Variants in FAS observed in about 807,000 individuals in gnomAD.
The protein encoded by FAS is tumor necrosis factor receptor superfamily member 6.
A neutral mutation model predicts 33.2 loss-of-function variants in FAS; 5 were observed. The ratio of observed to expected loss-of-function variants is 0.15; its 90% CI spans 0.08 to 0.32. The LOEUF (loss-of-function observed/expected upper bound fraction) is 0.32. FAS is among the 10% of genes least tolerant of loss of function. The probability of loss-of-function intolerance (pLI) is 1.00; values close to 1 mark genes in which losing one functional copy is unlikely to be tolerated. For synonymous variants in FAS, 131 were observed against 130.7 expected (o/e 1.00, Z -0.01); for missense variants, 339 against 386.0 (o/e 0.88, Z 1.02).
upstream of FAS, among the ~76,000 whole-genome samples, chr10:88,983,516 C>A (rs1846763232): frequency 6.9e-6 from 1 of 144,186 alleles, no homozygotes; most frequent in African/African-American, 2.6e-5. Flanking sequence ...TGACTTTGGG[C>A]AAGTCTTTCC....
chr10:88,998,415 G>A (rs1284784693), intron 1 of FAS, among the ~76,000 whole-genome samples: 1 of 151,026 alleles, frequency 6.6e-6, no homozygotes, highest in African/African-American at 2.4e-5. Flanking sequence ...GGACCCTTCC[G>A]GCCTTCCAAA....
chr10:89,009,048 A>G lies in FAS; in HGVS notation c.443+51A>G, dbSNP rs9658754. 1.7e-4 allele frequency: 249 copies of G among 1,471,626 alleles called. No homozygotes were observed. In the African/African-American group the frequency reaches 2.8e-3, roughly 17 times the overall value. The allele number at this position is 1,471,626 out of a possible 1,614,324, so 91.2% of individuals were successfully genotyped here. On this transcript the variant is annotated intron_variant, in intron 4 of 8. Transcript: ENST00000652046. ...AAACACTAGATATAACATGAGAGTT[A>G]TCATTTTCCTAGGGAAGTAACACTG...
chr10:88,975,433 T>C (rs1424486393), intron 2 of FAS, among the ~76,000 whole-genome samples: 1 of 152,220 alleles, frequency 6.6e-6, no homozygotes, highest in Non-Finnish European at 1.5e-5. Context: ...TTTTTTCTTA[T>C]TACAGACTAG....
upstream of FAS, among the ~76,000 whole-genome samples, chr10:88,984,548 A>G (rs1446246154): frequency 6.6e-6 from 1 of 152,252 alleles, no homozygotes; most frequent in Non-Finnish European, 1.5e-5. Context: ...ATATGAAAAC[A>G]TAAGATATCC....
chr10:88,994,565 A>G (rs1376501233), intron 1 of FAS, among the ~76,000 whole-genome samples: 1 of 152,140 alleles, frequency 6.6e-6, no homozygotes. Flanking sequence ...CAAATATTTA[A>G]AAACTACATT....
chr10:89,002,936 G>A lies in FAS; in HGVS notation c.31-93G>A, dbSNP rs548293431. The A allele has an allele frequency of 6.4e-5, 88 of 1,367,740 alleles. No homozygotes were observed. The African/African-American group carries it at 1.2e-3, about 18-fold the overall frequency. 84.7% of individuals were successfully genotyped at this position (1,367,740 alleles called of 1,614,324 possible). On this transcript the variant is annotated intron_variant, in intron 1 of 8. Transcript: ENST00000652046. The stretch of plus-strand genomic sequence containing the variant: ...CTCACATTGTCTTTGCCTGTGCACA[G>A]CAGATACTGCCAATTTTGGGTGGGT...
intron 2 of FAS, among the ~76,000 whole-genome samples, chr10:88,979,613 T>C (rs374431860): frequency 0.014 from 2,012 of 142,810 alleles, 26 homozygotes; most frequent in Non-Finnish European, 0.022. Context: ...TAATGATGAC[T>C]TTTTTTTTTT....
At chr10:88,984,160 C>T (rs777116787), upstream of FAS, among the ~76,000 whole-genome samples, 63 of 152,258 alleles carry the variant, frequency 4.1e-4, no homozygotes, top group Non-Finnish European at 8.4e-4. Context: ...ACTTGTTAAA[C>T]TATAGGAAGT....
rs202165529 is a variant in FAS at position 88,990,925 on chromosome 10, G to A, written c.30+19G>A. The A allele has an allele frequency of 1.7e-4, 277 of 1,614,192 alleles. 1 individual carries two copies. The highest frequency in any genetic ancestry group is 1.2e-3 in the Middle Eastern group (7 of 6,060). On this transcript the variant is annotated intron_variant, in intron 1 of 8. Coordinates refer to ENST00000652046, the MANE Select transcript of FAS (RefSeq NM_000043.6). The surrounding 1 kb of genome is among the most constrained non-coding windows in gnomAD (Gnocchi z 4.9). ...ACCTCTGGTGAGCCCTCTCCTGCCC[G>A]GGTGGAGGCTTACCCCGTCTTAGTC... is the stretch of plus-strand genomic sequence containing the variant.
At chr10:88,968,278 T>C (rs1043493511) in intron 1 of FAS, among the ~76,000 whole-genome samples, 9 of 152,346 alleles carry the variant, frequency 5.9e-5, no homozygotes, top group Admixed American at 2.6e-4. Context: ...GTCCTATCTA[T>C]GCATTTAATG....
chr10:89,005,890 TG>T (rs1234875941), intron 2 of FAS, among the ~76,000 whole-genome samples: 1 of 152,108 alleles, frequency 6.6e-6, no homozygotes, highest in African/African-American at 2.4e-5. Context: ...CTGCCTGCCT[TG>T]GCCTCCCAAT....
chr10:88,990,772 A>G (rs752662349), upstream of FAS: 1 of 1,476,204 alleles, frequency 6.8e-7, no homozygotes, highest in South Asian at 1.1e-5. The surrounding 1 kb of genome is among the most constrained non-coding windows in gnomAD (Gnocchi z 4.9). Flanking sequence ...CCCTGAGGCC[A>G]GCCCTGGCTG....
upstream of FAS, among the ~76,000 whole-genome samples, chr10:88,986,327 T>C (rs981331350): frequency 6.6e-6 from 1 of 152,148 alleles, no homozygotes; most frequent in African/African-American, 2.4e-5. Flanking sequence ...GACCACCATA[T>C]GCAAAAATGT....
At chr10:88,964,122 CTTTAG>C (rs1309885726) in intron 1 of FAS, among the ~76,000 whole-genome samples, 1 of 151,604 alleles carries the variant, frequency 6.6e-6, no homozygotes, top group African/African-American at 2.4e-5. Flanking sequence ...CATATATTTA[CTTTAG>C]TTTAATATAT....
At chr10:89,012,213 C>A in intron 7 of FAS, 132 bp downstream of exon 7, 2 of 793,184 alleles carry the variant, frequency 2.5e-6, no homozygotes, top group Non-Finnish European at 2.1e-6. Context: ...AGTCTTGCTC[C>A]ATAGCCCAGG....
At chr10:88,996,165 G>A (rs986468717) in intron 1 of FAS, among the ~76,000 whole-genome samples, 3 of 151,188 alleles carry the variant, frequency 2.0e-5, no homozygotes, top group African/African-American at 7.4e-5. Context: ...AAAAGAGAGC[G>A]AGAGGAAGTC....
chr10:89,009,610 T>TAGAGAACCTGCCTTGTAAGTC (rs1481620461), intron 4 of FAS, among the ~76,000 whole-genome samples: 5 of 152,212 alleles, frequency 3.3e-5, no homozygotes, highest in African/African-American at 1.2e-4. Flanking sequence ...GACCCAAAGT[T>TAGAGAACCTGCCTTGTAAGTC]AGAGAACCTG....
chr10:89,014,034 C>A, intron 8 of FAS, 85 bp from the exon 9 acceptor site: 1 of 1,370,432 alleles, frequency 7.3e-7, no homozygotes, highest in Non-Finnish European at 1.0e-6. Flanking sequence ...TTCTGAAGTA[C>A]TATAAAAAGA....
chr10:88,990,848 C>A lies in FAS; in HGVS notation c.-29C>A. ...CGCTCAGTACGGAGTTGGGGAAGCT[C>A]TTTCACTTCGGAGGATTGCTCAACA... is the stretch of plus-strand genomic sequence containing the variant. On this transcript the variant is annotated 5_prime_UTR_variant, in exon 1 of 9. Transcript: ENST00000652046. The surrounding 1 kb of genome is among the most constrained non-coding windows in gnomAD (Gnocchi z 4.9). 6.2e-7 allele frequency: 1 copy of A among 1,614,234 alleles called. No homozygotes were observed. Among genetic ancestry groups the A allele is most frequent in the Non-Finnish European group, 8.5e-7 (1 of 1,180,034 alleles).
Sources: gnomAD v4.1 joint callset for allele counts (sites outside exome capture counted in the v4.1 genomes callset) on GRCh38, gnomAD v4.1.1 for gene constraint, Gnocchi (gnomAD v3.1) non-coding constraint, MANE v1.5 for transcripts, NCBI Gene and HGNC (gene_info 2026-07-23, HGNC 2026-07-21) for gene names.